MTAP: variants seen among roughly 807,000 people sequenced by gnomAD.
The protein encoded by MTAP is methylthioadenosine phosphorylase.
MTAP carries 33 observed loss-of-function variants against 33.6 expected under a neutral mutation model. That is an observed-to-expected ratio of 0.98 (90% CI 0.74 to 1.31). The LOEUF (loss-of-function observed/expected upper bound fraction) is 1.31. Ranked by LOEUF, MTAP falls within the 40% of genes most tolerant of loss-of-function variation. The pLI, the probability that MTAP is intolerant of heterozygous loss-of-function variation, is 0.00. For synonymous variants in MTAP, 148 were observed against 125.7 expected, an observed-to-expected ratio of 1.18 and a Z score of -1.19; for missense variants, 367 against 360.0, an observed-to-expected ratio of 1.02 and a Z score of -0.16.
At chr9:21,832,890 A>G (rs765275055) in intron 4 of MTAP, among the ~76,000 whole-genome samples, 1 of 152,194 alleles carries the variant, frequency 6.6e-6, no homozygotes, top group East Asian at 1.9e-4. Flanking sequence ...GACATCTTCT[A>G]TCTACCTTAT....
chr9:21,910,241 A>C (rs1221671160), intron 1 of MTAP, among the ~76,000 whole-genome samples: 1 of 152,210 alleles, frequency 6.6e-6, no homozygotes, highest in Non-Finnish European at 1.5e-5. Flanking sequence ...AGATACATAA[A>C]TTACCAAAAC....
intron 5 of MTAP, among the ~76,000 whole-genome samples, chr9:21,846,778 C>T (rs1485214710): frequency 1.3e-5 from 2 of 152,180 alleles, no homozygotes; most frequent in Non-Finnish European, 2.9e-5. Flanking sequence ...GACACTTGCA[C>T]ATGCATGTTT....
At chr9:21,899,848 C>A (rs990803181) in intron 1 of MTAP, among the ~76,000 whole-genome samples, 4 of 152,144 alleles carry the variant, frequency 2.6e-5, no homozygotes, top group African/African-American at 9.7e-5. Context: ...ATCAATGGAA[C>A]AGAGTAGAGA....
At position 21,863,987 on chromosome 9, in the gene MTAP, C is replaced by T; in HGVS notation, c.*1973C>T. On this transcript the variant is annotated 3_prime_UTR_variant, in exon 8 of 8. Transcript: ENST00000644715. ...TGTAGAGAACTTAATGAACCTGAAC[C>T]CAGGCTTCTCTAGCTCTGGTAACGT... 1.0e-6 allele frequency: 1 copy of T among 985,708 alleles called. No homozygotes were observed. Among genetic ancestry groups the T allele is most frequent in the Non-Finnish European group, 1.2e-6 (1 of 829,920 alleles). The allele number at this position is 985,708 out of a possible 1,614,324, so 61.1% of individuals were successfully genotyped here.
At chr9:21,872,969 C>T (rs574232383) in intron 1 of MTAP, among the ~76,000 whole-genome samples, 6 of 152,274 alleles carry the variant, frequency 3.9e-5, no homozygotes, top group Admixed American at 3.9e-4. Flanking sequence ...CACCAAAAGT[C>T]CACATTTTCC....
chr9:21,932,061 C>G (rs1563875345), downstream of MTAP: 1 of 152,030 alleles, frequency 6.6e-6, no homozygotes, highest in African/African-American at 2.4e-5. Flanking sequence ...TTACAAAAGG[C>G]AAAATGATAA....
rs181939742 is a variant in MTAP at position 21,843,400 on chromosome 9, C to G, written c.450+5390C>G. Among the ~76,000 whole-genome samples the G allele has an allele frequency of 3.7e-3, 565 of 152,240 alleles. 6 individuals are homozygous for G. The highest frequency in any genetic ancestry group is 0.013 in the African/African-American group (540 of 41,544). Reference sequence around the variant, plus strand: ...GGAAACAATGGACTTAAACTATAACCTAGAACAAATGGACTTAACAAATAT... The same window carrying G: ...GGAAACAATGGACTTAAACTATAACGTAGAACAAATGGACTTAACAAATAT... On this transcript the variant is annotated intron_variant, in intron 5 of 7. Coordinates refer to ENST00000644715, the MANE Select transcript of MTAP (RefSeq NM_002451.4).
chr9:21,843,516 C>A (rs1478370510), intron 5 of MTAP, among the ~76,000 whole-genome samples: 1 of 152,088 alleles, frequency 6.6e-6, no homozygotes, highest in Non-Finnish European at 1.5e-5. Context: ...CAAGTCTCAA[C>A]AAATTTGAAA....
intron 1 of MTAP, among the ~76,000 whole-genome samples, chr9:21,919,896 G>A (rs552465548): frequency 3.9e-5 from 6 of 152,184 alleles, no homozygotes; most frequent in East Asian, 3.9e-4. Flanking sequence ...TGAATTTTAC[G>A]TAAACACACT....
At chr9:21,818,786 G>C (rs1824553797) in intron 4 of MTAP, among the ~76,000 whole-genome samples, 1 of 152,144 alleles carries the variant, frequency 6.6e-6, no homozygotes, top group Non-Finnish European at 1.5e-5. Context: ...TTAGTGGTGA[G>C]AACATTTGAT....
At position 21,866,217 on chromosome 9, in the gene MTAP, A is replaced by T. The variant is rs1416326644; in HGVS notation, c.*4203A>T. The T allele has an allele frequency of 6.6e-6, 1 of 152,194 alleles. No individual in the cohort carries two copies. Among genetic ancestry groups the T allele is most frequent in the Non-Finnish European group, 1.5e-5 (1 of 68,016 alleles). 9.4% of individuals were successfully genotyped at this position (152,194 alleles called of 1,614,324 possible). A position where few individuals can be genotyped will look rare whatever the true frequency, so the allele number is the denominator to read the frequency against. Reference sequence around the variant, plus strand: ...ACTATCTGTACAAATATTTTTGTTTATTAAAAAATTAGATTGTTTTGTTTT... The same window carrying T: ...ACTATCTGTACAAATATTTTTGTTTTTTAAAAAATTAGATTGTTTTGTTTT... On this transcript the variant is annotated 3_prime_UTR_variant, in exon 8 of 8. Transcript: ENST00000644715.
chr9:21,852,116 C>G (rs1825526640), intron 5 of MTAP, among the ~76,000 whole-genome samples: 1 of 152,092 alleles, frequency 6.6e-6, no homozygotes, highest in Non-Finnish European at 1.5e-5. Flanking sequence ...AGTTGGAGAC[C>G]ATTATTCTCA....
chr9:21,913,622 T>C (rs1818623968), intron 1 of MTAP, among the ~76,000 whole-genome samples: 1 of 152,178 alleles, frequency 6.6e-6, no homozygotes, highest in Admixed American at 6.5e-5. Flanking sequence ...TATACAAAAA[T>C]TAATTCAGAA....
chr9:21,821,314 A>T (rs1239922824), intron 4 of MTAP, among the ~76,000 whole-genome samples: 1 of 152,182 alleles, frequency 6.6e-6, no homozygotes, highest in Admixed American at 6.5e-5. Context: ...TACCTAACTT[A>T]TTGAGAGTTT....
At chr9:21,927,651 A>C (rs1818890657) in intron 1 of MTAP, among the ~76,000 whole-genome samples, 1 of 152,172 alleles carries the variant, frequency 6.6e-6, no homozygotes, top group South Asian at 2.1e-4. Context: ...ATGGAGATAG[A>C]TATGCAGGGT....
intron 4 of MTAP, among the ~76,000 whole-genome samples, chr9:21,829,118 C>A (rs73649991): frequency 6.6e-6 from 1 of 152,040 alleles, no homozygotes; most frequent in Non-Finnish European, 1.5e-5. Flanking sequence ...TGTATTGAGA[C>A]GGGCATCTCC....
In MTAP at chr9:21,856,231, A is replaced by G. The variant is rs2118527684; in HGVS notation, c.690+1361A>G. 7 of 957,532 alleles carry G rather than the reference A, an allele frequency of 7.3e-6. 1 individual carries two copies. The Admixed American group carries it at 3.7e-4, about 50-fold the overall frequency. The allele number at this position is 957,532 out of a possible 1,614,324, so 59.3% of individuals were successfully genotyped here. ...TTTCTGAGCACATTTAGGGTAAGTG[A>G]CATCTCCAAAGAGGCCTAATATTGT... On this transcript the variant is annotated intron_variant, in intron 6 of 7. Transcript: ENST00000644715.
chr9:21,931,881 T>C (rs1458048696), downstream of MTAP: 1 of 152,184 alleles, frequency 6.6e-6, no homozygotes, highest in African/African-American at 2.4e-5. Context: ...AATTATTTCC[T>C]TCAAGATGGC....
intron 1 of MTAP, among the ~76,000 whole-genome samples, chr9:21,874,764 G>A (rs970919422): frequency 6.6e-6 from 1 of 151,206 alleles, no homozygotes; most frequent in African/African-American, 2.4e-5. Flanking sequence ...TTGTTACGGA[G>A]GTATACATGT....
Sources: allele counts gnomAD v4.1 joint callset (sites outside exome capture counted in the v4.1 genomes callset), GRCh38; gene constraint gnomAD v4.1.1; transcripts MANE v1.5; gene names NCBI Gene and HGNC (gene_info 2026-07-23, HGNC 2026-07-21).